CCNB3: variants seen among roughly 807,000 people sequenced by gnomAD.
The protein encoded by CCNB3 is cyclin B3.
Under a neutral mutation model 68.0 loss-of-function variants are expected in CCNB3, and 12 were observed. That is an observed-to-expected ratio of 0.18 (90% CI 0.11 to 0.29). The LOEUF (loss-of-function observed/expected upper bound fraction) is 0.29, where lower values mean the gene tolerates loss of function less well. Ranked by LOEUF, CCNB3 falls within the 10% of genes least tolerant of loss-of-function variation. CCNB3 has a pLI of 1.00. For synonymous variants in CCNB3, 354 were observed against 388.9 expected (o/e 0.91, Z 1.06); for missense variants, 904 against 993.1 (o/e 0.91, Z 1.21).
intron 1 of CCNB3, among the ~76,000 whole-genome samples, chrX:50,280,422 T>C (rs1042301348): frequency 1.8e-5 from 2 of 108,466 alleles, no homozygotes; most frequent in African/African-American, 3.3e-5. Context: ...GATATTGAGC[T>C]ATTAGCAAAG....
intron 1 of CCNB3, among the ~76,000 whole-genome samples, chrX:50,221,357 T>A (rs1935670990): frequency 9.0e-6 from 1 of 111,617 alleles, no homozygotes; most frequent in Admixed American, 9.5e-5. Context: ...TTCTTTTCAT[T>A]GTGATGTTAG....
intron 1 of CCNB3, among the ~76,000 whole-genome samples, chrX:50,222,603 C>G: frequency 8.9e-6 from 1 of 111,750 alleles, no homozygotes; most frequent in Non-Finnish European, 1.9e-5. Flanking sequence ...CCCTCACTCT[C>G]TTCTGGCCTA....
At position 50,309,957 on chromosome X, in the gene CCNB3, G is replaced by T. The variant is rs781909078; in HGVS notation, c.1788G>T (p.Gly596=). The change falls in exon 6 of 13, where the codon GGG becomes GGT. Residue 596 remains glycine, a synonymous_variant. Transcript: ENST00000376042. The stretch of plus-strand genomic sequence containing the variant: ...TACAGGAAAAGAAAATTACTCAGGG[G>T]AAGATGTCCCACTTAAAGAAGCCAC... ...LSLQEKKITQ[G]KMSHLKKPLV... 4 of 1,208,750 alleles carry T rather than the reference G, an allele frequency of 3.3e-6. No homozygotes were observed. The highest frequency in any genetic ancestry group is 3.5e-5 in the African/African-American group (2 of 57,245).
rs1247228769 is a variant in CCNB3, at chrX:50,308,862, AAAG to A, written c.701_703del (p.Lys234del). On this transcript the variant is annotated inframe_deletion, in exon 6 of 13. Coordinates refer to ENST00000376042, the MANE Select transcript of CCNB3 (RefSeq NM_033031.3). The stretch of plus-strand genomic sequence containing the variant: ...CCATCACCAAGAAGACATTATCCTT[AAAG>A]AAGAAGATGTGTGCAAGTCAGCGGA... 3 of 1,209,443 alleles carry A rather than the reference AAAG, an allele frequency of 2.5e-6. No individual in the cohort carries two copies. The highest frequency in any genetic ancestry group is 1.8e-5 in the South Asian group (1 of 56,698).
chrX:50,324,106 G>A (rs1394959573), intron 8 of CCNB3, among the ~76,000 whole-genome samples: 1 of 112,304 alleles, frequency 8.9e-6, no homozygotes, highest in African/African-American at 3.2e-5. Context: ...TTGGCTCACC[G>A]CAATCTCGGC....
chrX:50,294,865 T>G lies in CCNB3; in HGVS notation c.207T>G (p.Ala69=), dbSNP rs1441571849. 8.4e-6 allele frequency: 10 copies of G among 1,191,745 alleles called. 1 individual carries two copies. Among genetic ancestry groups the G allele is most frequent in the African/African-American group, 3.6e-5 (2 of 56,077 alleles). The change falls in exon 5 of 13, where the codon GCT becomes GCG. Residue 69 remains alanine (A), a splice_region_variant and synonymous_variant. Transcript: ENST00000376042. ...KRSAFEDLTN[A]SQCQPVQPKK... ...CCAACCCACCTTTTTTTTTGCAGGC[T>G]TCTCAATGTCAACCTGTCCAGCCCA...
intron 4 of CCNB3, among the ~76,000 whole-genome samples, chrX:50,294,584 G>A (rs1028462499): frequency 2.7e-5 from 3 of 111,556 alleles, no homozygotes; most frequent in Non-Finnish European, 3.8e-5. Context: ...ATAGAGCACA[G>A]AACTACATCC....
intron 5 of CCNB3, among the ~76,000 whole-genome samples, chrX:50,300,521 T>G (rs1217374843): frequency 8.9e-6 from 1 of 112,041 alleles, no homozygotes; most frequent in African/African-American, 3.2e-5. Flanking sequence ...TCTGATGGGC[T>G]TCCCTTTGTG....
At chrX:50,286,735 T>A (rs965703517) in intron 3 of CCNB3, among the ~76,000 whole-genome samples, 3 of 108,935 alleles carry the variant, frequency 2.8e-5, no homozygotes, top group Non-Finnish European at 5.7e-5. Flanking sequence ...CTGCAACCTC[T>A]GCCTCCCAGG....
chrX:50,225,524 A>T (rs1413650991), intron 1 of CCNB3, among the ~76,000 whole-genome samples: 2 of 110,625 alleles, frequency 1.8e-5, no homozygotes, highest in Admixed American at 9.8e-5. Flanking sequence ...GTTGTGTTGT[A>T]TTTGTATCAG....
At chrX:50,293,538 A>G (rs149882136) in intron 4 of CCNB3, among the ~76,000 whole-genome samples, 229 of 111,628 alleles carry the variant, frequency 2.1e-3, no homozygotes, top group African/African-American at 6.4e-3. Flanking sequence ...TTAGGAAATC[A>G]TGAATTCATG....
At chrX:50,281,718 C>G (rs1461226747) in intron 1 of CCNB3, among the ~76,000 whole-genome samples, 1 of 111,374 alleles carries the variant, frequency 9.0e-6, no homozygotes, top group Non-Finnish European at 1.9e-5. Flanking sequence ...GTGCCTGAAT[C>G]AGAGTACTTT....
chrX:50,282,302 C>T (rs940245021), intron 1 of CCNB3, among the ~76,000 whole-genome samples: 1 of 111,533 alleles, frequency 9.0e-6, no homozygotes, highest in African/African-American at 3.3e-5. Flanking sequence ...AGGCATCCTT[C>T]CCAGCCCAGT....
chrX:50,330,814 G>C (rs1189526096), intron 8 of CCNB3, among the ~76,000 whole-genome samples: 1 of 111,906 alleles, frequency 8.9e-6, no homozygotes, highest in Non-Finnish European at 1.9e-5. Context: ...TCATCTATGT[G>C]TAGACAGCAA....
chrX:50,212,306 A>G (rs1935496781), intron 1 of CCNB3, among the ~76,000 whole-genome samples: 1 of 111,695 alleles, frequency 9.0e-6, no homozygotes, highest in African/African-American at 3.3e-5. Context: ...ATGGTTCTTG[A>G]AGAATTGCTA....
Position 50,309,351 on chromosome X carries a change from G to A in CCNB3, c.1182G>A (p.Lys394=). The change falls in exon 6 of 13, where the codon AAG becomes AAA. Residue 394 remains lysine (K), a synonymous_variant. Transcript: ENST00000376042. ...ILKEQCMTEG[K]RSRLKPLVLQ... ...AGGAGCAGTGCATGACTGAGGGGAAGAGGTCCCGTCTGAAGCCATTAGTAT... is the reference window on the plus strand; with the variant it reads ...AGGAGCAGTGCATGACTGAGGGGAAAAGGTCCCGTCTGAAGCCATTAGTAT... 8.3e-7 allele frequency: 1 copy of A among 1,211,370 alleles called. No homozygotes were observed. Among genetic ancestry groups the A allele is most frequent in the Non-Finnish European group, 1.1e-6 (1 of 895,179 alleles).
At chrX:50,222,869 T>G (rs1327880767) in intron 1 of CCNB3, among the ~76,000 whole-genome samples, 1 of 111,750 alleles carries the variant, frequency 8.9e-6, no homozygotes, top group Non-Finnish European at 1.9e-5. Flanking sequence ...TTTTCCATCT[T>G]GGTTCCATTC....
intron 1 of CCNB3, among the ~76,000 whole-genome samples, chrX:50,226,730 A>C (rs1185790557): frequency 2.5e-5 from 2 of 80,570 alleles, no homozygotes; most frequent in South Asian, 1.1e-3. Context: ...GAATATACAT[A>C]TGAATATGTA....
At chrX:50,207,768 C>G (rs782324156) in intron 1 of CCNB3, among the ~76,000 whole-genome samples, 8 of 111,591 alleles carry the variant, frequency 7.2e-5, no homozygotes, top group Non-Finnish European at 1.5e-4. Flanking sequence ...ATTCATATAC[C>G]ATGTAACTCA....
Sources: allele counts gnomAD v4.1 joint callset (sites outside exome capture counted in the v4.1 genomes callset), GRCh38; gene constraint gnomAD v4.1.1; transcripts MANE v1.5; gene names NCBI Gene and HGNC (gene_info 2026-07-23, HGNC 2026-07-21).